Variants in ROBO2 observed in about 807,000 individuals in gnomAD.
ROBO2 encodes the protein roundabout guidance receptor 2.
In ROBO2, 53 loss-of-function variants were observed where a neutral mutation model predicts 160.8. That is an observed-to-expected ratio of 0.33 (90% CI 0.26 to 0.41). The LOEUF is 0.41. Ranked by LOEUF, ROBO2 falls within the 10% of genes least tolerant of loss-of-function variation. The pLI, the probability that ROBO2 is intolerant of heterozygous loss-of-function variation, is 1.00. For missense variants in ROBO2, 1,577 were observed against 1,722.4 expected (o/e 0.92, Z 1.49); for synonymous variants, 664 against 611.7 (o/e 1.09, Z -1.26).
chr3:76,137,956 A>T (rs780884501), intron 2 of ROBO2, among the ~76,000 whole-genome samples: 5 of 152,158 alleles, frequency 3.3e-5, no homozygotes, highest in Non-Finnish European at 5.9e-5. Context: ...ATTCTTAATT[A>T]CATCTGCAAA....
chr3:76,404,338 G>C (rs1324547940), intron 2 of ROBO2, among the ~76,000 whole-genome samples: 2 of 151,648 alleles, frequency 1.3e-5, no homozygotes, highest in East Asian at 3.9e-4. Flanking sequence ...AAGTAAGTCA[G>C]TAAGTCTTGA....
At chr3:77,355,908 TCTGAGACAGATAA>T (rs1193201780) in intron 2 of ROBO2, among the ~76,000 whole-genome samples, 1 of 148,082 alleles carries the variant, frequency 6.8e-6, no homozygotes, top group Non-Finnish European at 1.5e-5. Context: ...GCTATCAATC[TCTGAGACAGATAA>T]TCCAAAAAAA....
chr3:77,051,658 C>A (rs2065239165), intron 1 of ROBO2, among the ~76,000 whole-genome samples: 1 of 152,146 alleles, frequency 6.6e-6, no homozygotes, highest in African/African-American at 2.4e-5. Flanking sequence ...AATAAAATGA[C>A]CAGGCAATTG....
chr3:76,271,191 A>G (rs773747299), intron 2 of ROBO2, among the ~76,000 whole-genome samples: 1 of 152,086 alleles, frequency 6.6e-6, no homozygotes, highest in Non-Finnish European at 1.5e-5. Flanking sequence ...GGGAAAAACA[A>G]AAAGAAATAA....
At chr3:76,493,390 A>C (rs1246408117) in intron 2 of ROBO2, among the ~76,000 whole-genome samples, 1 of 121,066 alleles carries the variant, frequency 8.3e-6, no homozygotes, top group Non-Finnish European at 1.8e-5. Context: ...TACAAAAAAG[A>C]TTTCATGTAC....
At chr3:75,943,927 C>G (rs972558852) in intron 2 of ROBO2, among the ~76,000 whole-genome samples, 5 of 152,100 alleles carry the variant, frequency 3.3e-5, no homozygotes, top group Non-Finnish European at 5.9e-5. Flanking sequence ...TCTCAAACTC[C>G]TGACTTCAGG....
chr3:75,976,957 A>C (rs891509454), intron 2 of ROBO2, among the ~76,000 whole-genome samples: 1 of 151,580 alleles, frequency 6.6e-6, no homozygotes, highest in Non-Finnish European at 1.5e-5. Flanking sequence ...TATGTTACCT[A>C]TCAAGGAAAT....
intron 2 of ROBO2, among the ~76,000 whole-genome samples, chr3:76,048,042 C>T (rs1033094568): frequency 2.0e-5 from 3 of 152,070 alleles, no homozygotes; most frequent in African/African-American, 7.2e-5. Context: ...TGAATGTCTG[C>T]TTGATACTGA....
At chr3:76,633,911 C>T (rs1374689830) in intron 2 of ROBO2, among the ~76,000 whole-genome samples, 1 of 152,192 alleles carries the variant, frequency 6.6e-6, no homozygotes, top group Non-Finnish European at 1.5e-5. Flanking sequence ...GCGTTACTGA[C>T]TGAGAGTCAA....
intron 2 of ROBO2, among the ~76,000 whole-genome samples, chr3:77,348,236 C>A (rs544838441): frequency 2.0e-5 from 3 of 152,250 alleles, no homozygotes; most frequent in African/African-American, 7.2e-5. Context: ...ACAGACAGGG[C>A]AGCCCCAAGG....
chr3:76,684,405 G>A (rs1472143391), intron 2 of ROBO2, among the ~76,000 whole-genome samples: 2 of 152,042 alleles, frequency 1.3e-5, no homozygotes, highest in African/African-American at 2.4e-5. Context: ...CCATGTATAC[G>A]GTGAGTTAAT....
intron 2 of ROBO2, among the ~76,000 whole-genome samples, chr3:76,186,391 C>T (rs1418769900): frequency 6.6e-6 from 1 of 152,116 alleles, no homozygotes; most frequent in East Asian, 1.9e-4. Context: ...TACTTGCCCT[C>T]AATTAGTGAT....
intron 2 of ROBO2, among the ~76,000 whole-genome samples, chr3:76,035,541 A>G (rs1368924072): frequency 6.6e-6 from 1 of 152,004 alleles, no homozygotes; most frequent in Non-Finnish European, 1.5e-5. Flanking sequence ...CCATAAAATA[A>G]CCAGCAGACT....
intron 2 of ROBO2, among the ~76,000 whole-genome samples, chr3:76,635,327 G>A (rs1049715819): frequency 1.3e-5 from 2 of 152,034 alleles, no homozygotes; most frequent in African/African-American, 4.8e-5. Flanking sequence ...TTTTGCCTAA[G>A]GTAGCTAGAG....
chr3:77,625,984 G>C (rs1319377631), intron 23 of ROBO2, among the ~76,000 whole-genome samples: 1 of 151,926 alleles, frequency 6.6e-6, no homozygotes, highest in African/African-American at 2.4e-5. Context: ...CCTTTGTCCA[G>C]GTTACCCACC....
intron 2 of ROBO2, among the ~76,000 whole-genome samples, chr3:76,094,132 ACT>A (rs1185309709): frequency 1.3e-5 from 2 of 151,064 alleles, no homozygotes; most frequent in East Asian, 1.9e-4. Context: ...GCACACTCGC[ACT>A]CACACACACA....
At chr3:76,340,441 G>A (rs62262575) in intron 2 of ROBO2, among the ~76,000 whole-genome samples, 17,766 of 152,102 alleles carry the variant, frequency 0.12, 1,182 homozygotes, top group African/African-American at 0.18. Context: ...CACTCTAACT[G>A]ATATATTTCT....
At chr3:76,272,832 T>TATATATTTTATATATAATATATAAA (rs1559705683) in intron 2 of ROBO2, among the ~76,000 whole-genome samples, 3 of 38,302 alleles carry the variant, frequency 7.8e-5, no homozygotes, top group East Asian at 6.1e-4. Context: ...ATATATAAAA[T>TATATATTTTATATATAATATATAAA]ATATATATTA....
At chr3:75,970,108 C>T (rs1372244434) in intron 2 of ROBO2, among the ~76,000 whole-genome samples, 1 of 151,326 alleles carries the variant, frequency 6.6e-6, no homozygotes, top group Non-Finnish European at 1.5e-5. Context: ...ATGTAGATAA[C>T]CAGACTCTCA....
Sources: gnomAD v4.1 joint callset for allele counts (sites outside exome capture counted in the v4.1 genomes callset) on GRCh38, gnomAD v4.1.1 for gene constraint, MANE v1.5 for transcripts, NCBI Gene and HGNC (gene_info 2026-07-23, HGNC 2026-07-21) for gene names.